PC: variants seen among roughly 807,000 people sequenced by gnomAD.
The protein encoded by PC is pyruvate carboxylase, mitochondrial.
A neutral mutation model predicts 107.8 loss-of-function variants in PC; 46 were observed. The observed-to-expected ratio is 0.43, with a 90% CI of 0.34 to 0.55. The LOEUF (loss-of-function observed/expected upper bound fraction) is 0.55. Ranked by LOEUF, PC falls within the 20% of genes least tolerant of loss-of-function variation. The probability of loss-of-function intolerance (pLI) is 0.04; values close to 1 mark genes in which losing one functional copy is unlikely to be tolerated. For synonymous variants in PC, 662 were observed against 684.7 expected (o/e 0.97, Z 0.52); for missense variants, 1,241 against 1,643.1 (o/e 0.76, Z 4.23).
chr11:66,873,880 G>A (rs1460617662), intron 3 of PC, among the ~76,000 whole-genome samples: 2 of 151,750 alleles, frequency 1.3e-5, no homozygotes, highest in Non-Finnish European at 2.9e-5. Flanking sequence ...CAATTCTCCT[G>A]CCTCAGCCTC....
rs1314301917 is a variant in PC, at chr11:66,870,017, G to A, written c.903+285C>T. Among the ~76,000 whole-genome samples the A allele has an allele frequency of 2.6e-5, 4 of 152,220 alleles. No homozygotes were observed. The highest frequency in any genetic ancestry group is 9.7e-5 in the African/African-American group (4 of 41,446). On this transcript the variant is annotated intron_variant, in intron 9 of 22. Transcript: ENST00000393960. The surrounding 1 kb of genome is among the most constrained non-coding windows in gnomAD (Gnocchi z 6.1). ...TGAGCTGATGCCACAGAGAAGCCAG[G>A]TCTGTGTAGCAGCAGGGCTGAGGAG...
At chr11:66,920,433 T>G (rs1948566145) in intron 3 of PC, among the ~76,000 whole-genome samples, 1 of 151,942 alleles carries the variant, frequency 6.6e-6, no homozygotes, top group African/African-American at 2.4e-5. Flanking sequence ...GCCCCATATC[T>G]CGGATGATAA....
At chr11:66,917,410 C>T (rs1948487939) in intron 3 of PC, among the ~76,000 whole-genome samples, 1 of 152,164 alleles carries the variant, frequency 6.6e-6, no homozygotes, top group Admixed American at 6.5e-5. Flanking sequence ...CTCTACTTAT[C>T]AGAAGGGTCT....
intron 3 of PC, among the ~76,000 whole-genome samples, chr11:66,926,535 T>A (rs1235363466): frequency 6.6e-6 from 1 of 152,062 alleles, no homozygotes; most frequent in Non-Finnish European, 1.5e-5. Flanking sequence ...ACAACCGGGG[T>A]CTAGGGACAT....
Position 66,891,353 on chromosome 11 carries a change from C to T in PC, c.1-19194G>A, listed in dbSNP as rs551953744. On this transcript the variant is annotated intron_variant, in intron 3 of 22. Coordinates refer to ENST00000393960, the MANE Select transcript of PC (RefSeq NM_001040716.2). ...GGGATTACAGGCATGAGCCACTGTG[C>T]CCACCTAATAGGCAAGTTTTTTTGT... Among the ~76,000 whole-genome samples, 3 of 151,794 alleles carry T rather than the reference C, an allele frequency of 2.0e-5. No individual in the cohort carries two copies. In the South Asian group the frequency reaches 6.2e-4, roughly 32 times the overall value.
chr11:66,853,113 G>T, intron 13 of PC, 126 bp downstream of exon 13: 1 of 1,079,410 alleles, frequency 9.3e-7, no homozygotes, highest in South Asian at 1.5e-5. Context: ...GCCAGAATGA[G>T]GGCAGGGGTG....
chr11:66,851,160 C>T lies in PC; in HGVS notation c.2103G>A (p.Glu701=). 1 of 1,612,396 alleles carries T rather than the reference C, an allele frequency of 6.2e-7. No individual in the cohort carries two copies. Among genetic ancestry groups the T allele is most frequent in the Non-Finnish European group, 8.5e-7 (1 of 1,180,022 alleles). ...CGTCGCCCGTGTATGAGATGGCAGCCTCCACCACGCCTCCGGCACTTCCTG... is the reference window on the plus strand; with the variant it reads ...CGTCGCCCGTGTATGAGATGGCAGCTTCCACCACGCCTCCGGCACTTCCTG... ...EAAGSAGGVV[E]AAISYTGDVA... The change falls in exon 17 of 23, where the codon GAG becomes GAA. Residue 701 remains glutamate, a synonymous_variant. Transcript: ENST00000393960.
chr11:66,860,361 G>C (rs1946185798), intron 12 of PC: 1 of 1,061,014 alleles, frequency 9.4e-7, no homozygotes, highest in Non-Finnish European at 1.4e-6. Context: ...CTGGCCTCCA[G>C]ACCAGGGTAA....
intron 1 of PC, 78 bp from the exon 2 acceptor site, chr11:66,954,514 TG>T (rs1272953636): frequency 6.6e-6 from 1 of 152,280 alleles, no homozygotes; most frequent in African/African-American, 2.4e-5. Flanking sequence ...GCCCTGCTGC[TG>T]TGAAGGAGGC....
chr11:66,870,283 CG>C lies in PC; in HGVS notation c.903+18del. 2 of 1,612,168 alleles carry C rather than the reference CG, an allele frequency of 1.2e-6. No homozygotes were observed. Among genetic ancestry groups the C allele is most frequent in the East Asian group, 4.5e-5 (2 of 44,876 alleles). On this transcript the variant is annotated intron_variant, in intron 9 of 22. Transcript: ENST00000393960. This position sits in a 1 kb window ranked among gnomAD's most constrained non-coding sequence, Gnocchi z 6.1. ...GTGAGCACAGGCTCCTGTCCCAACA[CG>C]GGAAGCCCACCCTTCACCTGTTTAG... is the stretch of plus-strand genomic sequence containing the variant.
intron 12 of PC, among the ~76,000 whole-genome samples, chr11:66,855,658 G>A (rs1383880195): frequency 6.6e-6 from 1 of 152,192 alleles, no homozygotes; most frequent in Non-Finnish European, 1.5e-5. Flanking sequence ...CTGCACATCA[G>A]AGTTGACCTG....
intron 3 of PC, among the ~76,000 whole-genome samples, chr11:66,896,919 GT>G (rs1947779596): frequency 6.6e-6 from 1 of 151,366 alleles, no homozygotes. Context: ...TGATCCTTTT[GT>G]TTTTTGTTTG....
chr11:66,888,649 C>T (rs1227245909), intron 3 of PC, among the ~76,000 whole-genome samples: 6 of 152,056 alleles, frequency 3.9e-5, no homozygotes, highest in Non-Finnish European at 5.9e-5. Context: ...CTGGTGTCTC[C>T]GAAAGAATGA....
chr11:66,911,949 C>G (rs1948344881), intron 3 of PC, among the ~76,000 whole-genome samples: 1 of 151,792 alleles, frequency 6.6e-6, no homozygotes, highest in Admixed American at 6.6e-5. Context: ...AGGAGAATCC[C>G]TCGAACCCAG....
At chr11:66,861,151 G>T (rs1293781239) in intron 12 of PC, among the ~76,000 whole-genome samples, 1 of 152,218 alleles carries the variant, frequency 6.6e-6, no homozygotes, top group Non-Finnish European at 1.5e-5. Context: ...CCTCGCTGCA[G>T]GGAGGCAGCC....
chr11:66,891,681 C>T (rs1300728418), intron 3 of PC, among the ~76,000 whole-genome samples: 3 of 152,218 alleles, frequency 2.0e-5, no homozygotes, highest in Non-Finnish European at 4.4e-5. Flanking sequence ...CGTGAGCCAC[C>T]GCACCCAGCC....
chr11:66,916,102 C>T (rs564535433), intron 3 of PC, among the ~76,000 whole-genome samples: 6 of 152,310 alleles, frequency 3.9e-5, no homozygotes, highest in East Asian at 1.9e-4. Flanking sequence ...GGAACAAATG[C>T]GCTCTGTGCA....
In PC at chr11:66,871,265, AC is replaced by A; in HGVS notation, c.487+49del. 1 of 1,613,736 alleles carries A rather than the reference AC, an allele frequency of 6.2e-7. No individual in the cohort carries two copies. The highest frequency in any genetic ancestry group is 8.5e-7 in the Non-Finnish European group (1 of 1,179,920). ...AATCCCTGCCACCCCTCCCTGCTGG[AC>A]CCTCTCCAGGAGCTGCGGGGCCACC... On this transcript the variant is annotated intron_variant, in intron 6 of 22. Coordinates refer to ENST00000393960, the MANE Select transcript of PC (RefSeq NM_001040716.2). The surrounding 1 kb of genome is among the most constrained non-coding windows in gnomAD (Gnocchi z 7.4).
chr11:66,876,167 T>C (rs1946970309), intron 3 of PC, among the ~76,000 whole-genome samples: 1 of 152,188 alleles, frequency 6.6e-6, no homozygotes, highest in Admixed American at 6.5e-5. Context: ...ACAATTTAAA[T>C]AAGGTCTGCA....
Sources: allele counts gnomAD v4.1 joint callset (sites outside exome capture counted in the v4.1 genomes callset), GRCh38; gene constraint gnomAD v4.1.1; non-coding constraint Gnocchi (gnomAD v3.1); transcripts MANE v1.5; gene names NCBI Gene and HGNC (gene_info 2026-07-23, HGNC 2026-07-21).